COL23A1: variants seen among roughly 807,000 people sequenced by gnomAD.
The protein encoded by COL23A1 is collagen type XXIII alpha 1 chain.
A neutral mutation model predicts 99.3 loss-of-function variants in COL23A1; 97 were observed. That is an observed-to-expected ratio of 0.98 (90% CI 0.83 to 1.16). COL23A1 has a LOEUF of 1.16. Among genes scored for constraint, COL23A1 ranks in the 50% most tolerant of loss-of-function variants. The pLI, the probability that COL23A1 is intolerant of heterozygous loss-of-function variation, is 0.00. For missense variants in COL23A1, 762 were observed against 757.4 expected (o/e 1.01, Z -0.07); for synonymous variants, 320 against 308.2 (o/e 1.04, Z -0.40).
At chr5:178,572,764 G>A (rs1260069277) in intron 1 of COL23A1, among the ~76,000 whole-genome samples, 6 of 152,134 alleles carry the variant, frequency 3.9e-5, no homozygotes, top group Non-Finnish European at 1.5e-5. Flanking sequence ...GACAAAAACT[G>A]GAAACAATCC....
At chr5:178,535,264 G>A (rs540041670) in intron 2 of COL23A1, among the ~76,000 whole-genome samples, 4 of 152,158 alleles carry the variant, frequency 2.6e-5, no homozygotes, top group Non-Finnish European at 4.4e-5. Flanking sequence ...GTGAGCCACC[G>A]TGCCCAGCCC....
At chr5:178,272,677 A>G (rs1003224885) in intron 5 of COL23A1, among the ~76,000 whole-genome samples, 10 of 152,054 alleles carry the variant, frequency 6.6e-5, no homozygotes, top group African/African-American at 2.2e-4. Flanking sequence ...GGCTGTCCTG[A>G]TCCTGGGGTC....
intron 2 of COL23A1, among the ~76,000 whole-genome samples, chr5:178,425,461 AT>A (rs1561960958): frequency 4.7e-5 from 7 of 147,712 alleles, no homozygotes; most frequent in Admixed American, 1.3e-4. Context: ...AAATAAATAA[AT>A]AAATAAAAAT....
At chr5:178,410,279 T>A (rs1439792537) in intron 2 of COL23A1, among the ~76,000 whole-genome samples, 1 of 152,262 alleles carries the variant, frequency 6.6e-6, no homozygotes, top group Non-Finnish European at 1.5e-5. Flanking sequence ...TTAATATTGT[T>A]AAGATGGCAT....
Position 178,415,455 on chromosome 5 carries a change from C to T in COL23A1, c.362-108536G>A, listed in dbSNP as rs1349722994. 6.6e-6 allele frequency among the ~76,000 whole-genome samples: 1 copy of T among 152,162 alleles called. No individual in the cohort carries two copies. Among genetic ancestry groups the T allele is most frequent in the Non-Finnish European group, 1.5e-5 (1 of 68,010 alleles). On this transcript the variant is annotated intron_variant, in intron 2 of 28. Transcript: ENST00000390654. The surrounding 1 kb of genome is among the most constrained non-coding windows in gnomAD (Gnocchi z 4.6). ...CTCCCCGGGCCCGGGCCCTGGAGCACGGCTCACCCTGCTGCCTCTCTGCAC... is the reference window on the plus strand; with the variant it reads ...CTCCCCGGGCCCGGGCCCTGGAGCATGGCTCACCCTGCTGCCTCTCTGCAC...
chr5:178,273,196 G>A (rs1475814831), intron 5 of COL23A1, among the ~76,000 whole-genome samples: 1 of 152,228 alleles, frequency 6.6e-6, no homozygotes, highest in South Asian at 2.1e-4. Context: ...AGTGCCCGTG[G>A]AAGGGAGCCC....
intron 2 of COL23A1, among the ~76,000 whole-genome samples, chr5:178,559,740 G>A (rs1285955029): frequency 6.9e-6 from 1 of 145,798 alleles, no homozygotes; most frequent in East Asian, 2.0e-4. Flanking sequence ...TTCCCTGCAT[G>A]TCGAGAAGTC....
intron 4 of COL23A1, among the ~76,000 whole-genome samples, chr5:178,289,824 C>T (rs1356931488): frequency 2.0e-5 from 3 of 152,168 alleles, no homozygotes; most frequent in East Asian, 1.9e-4. Context: ...CAGAACGTTC[C>T]GGCGAACAGG....
chr5:178,274,664 T>C (rs926938227), intron 5 of COL23A1, among the ~76,000 whole-genome samples: 1 of 151,968 alleles, frequency 6.6e-6, no homozygotes, highest in African/African-American at 2.4e-5. Context: ...TCTCCCAGCA[T>C]CTCCCACAGA....
chr5:178,526,550 G>A (rs1760320498), intron 2 of COL23A1, among the ~76,000 whole-genome samples: 1 of 152,170 alleles, frequency 6.6e-6, no homozygotes, highest in Non-Finnish European at 1.5e-5. Flanking sequence ...AAACTCCAGA[G>A]CCCAGTAAAT....
At chr5:178,291,893 T>C (rs533364029) in intron 3 of COL23A1, among the ~76,000 whole-genome samples, 1 of 152,218 alleles carries the variant, frequency 6.6e-6, no homozygotes, top group African/African-American at 2.4e-5. Context: ...TGGGGGACAG[T>C]GCTTTCCCCA....
intron 2 of COL23A1, among the ~76,000 whole-genome samples, chr5:178,370,503 CGG>C (rs1170285889): frequency 6.6e-6 from 1 of 151,920 alleles, no homozygotes; most frequent in African/African-American, 2.4e-5. Flanking sequence ...AGAAACTTGG[CGG>C]CAGGGGATTG....
intron 17 of COL23A1, among the ~76,000 whole-genome samples, chr5:178,252,103 CAG>C (rs1176198261): frequency 6.6e-6 from 1 of 151,878 alleles, no homozygotes; most frequent in Non-Finnish European, 1.5e-5. Flanking sequence ...TTAGTAGAGA[CAG>C]AGTTTCACCA....
At chr5:178,566,591 G>A (rs1762851966) in intron 1 of COL23A1, among the ~76,000 whole-genome samples, 2 of 152,000 alleles carry the variant, frequency 1.3e-5, no homozygotes, top group South Asian at 4.2e-4. Context: ...AGAGGCGGGA[G>A]GATCACCTGA....
chr5:178,285,999 G>C (rs899218083), intron 5 of COL23A1, among the ~76,000 whole-genome samples: 4 of 152,206 alleles, frequency 2.6e-5, no homozygotes, highest in Non-Finnish European at 1.5e-5. Flanking sequence ...GTGAGAACGA[G>C]GGGTCTGGAG....
chr5:178,493,060 A>G (rs1758014674), intron 2 of COL23A1, among the ~76,000 whole-genome samples: 1 of 152,198 alleles, frequency 6.6e-6, no homozygotes, highest in African/African-American at 2.4e-5. Flanking sequence ...CACCCTTTAA[A>G]TAGAAATTCC....
intron 2 of COL23A1, among the ~76,000 whole-genome samples, chr5:178,485,779 C>CAAAAA (rs528117830): frequency 4.0e-5 from 4 of 99,366 alleles, no homozygotes; most frequent in African/African-American, 1.7e-4. Flanking sequence ...GACTCCATCT[C>CAAAAA]AAAAAAAAAA....
chr5:178,507,207 T>A (rs539221479), intron 2 of COL23A1, among the ~76,000 whole-genome samples: 76 of 152,334 alleles, frequency 5.0e-4, no homozygotes, highest in African/African-American at 1.8e-3. Context: ...GTCGGCAATA[T>A]CCTGACAGTA....
chr5:178,334,183 G>A (rs1760194103), intron 2 of COL23A1, among the ~76,000 whole-genome samples: 1 of 152,090 alleles, frequency 6.6e-6, no homozygotes, highest in Non-Finnish European at 1.5e-5. Context: ...GCTGTGATGC[G>A]TTTCAGTTCC....
Sources: allele counts gnomAD v4.1 joint callset (sites outside exome capture counted in the v4.1 genomes callset), GRCh38; gene constraint gnomAD v4.1.1; non-coding constraint Gnocchi (gnomAD v3.1); transcripts MANE v1.5; gene names NCBI Gene and HGNC (gene_info 2026-07-23, HGNC 2026-07-21).